Variants in CACNA1I observed in about 807,000 individuals in gnomAD.
CACNA1I encodes the protein voltage-dependent T-type calcium channel subunit alpha-1I.
In CACNA1I, 74 loss-of-function variants were observed where a neutral mutation model predicts 201.6. That is an observed-to-expected ratio of 0.37 (90% confidence interval 0.30 to 0.45). CACNA1I has a LOEUF of 0.45. CACNA1I is among the 20% of genes least tolerant of loss of function. The pLI is 1.00. For synonymous variants in CACNA1I, 1,431 were observed against 1,345.2 expected (o/e 1.06, Z -1.40); for missense variants, 2,346 against 3,138.1 (o/e 0.75, Z 6.03).
chr22:39,639,402 G>C (rs1463788504), intron 5 of CACNA1I, among the ~76,000 whole-genome samples: 1 of 152,088 alleles, frequency 6.6e-6, no homozygotes, highest in Non-Finnish European at 1.5e-5. Context: ...TCTTAGCCAG[G>C]ATGGTTATAC....
chr22:39,622,627 G>T (rs1183825272), intron 4 of CACNA1I, among the ~76,000 whole-genome samples: 2 of 151,092 alleles, frequency 1.3e-5, no homozygotes, highest in African/African-American at 4.9e-5. Context: ...GGCAGTGGGG[G>T]TGAGCTGGAC....
chr22:39,651,313 C>T lies in CACNA1I; in HGVS notation c.1992+1388C>T, dbSNP rs529791414. Reference sequence around the variant, plus strand: ...CCCTGCATGCCGCACCCCATGGGGCCGCACACGCACCTCCCTCTTCGTTAG... The same window carrying T: ...CCCTGCATGCCGCACCCCATGGGGCTGCACACGCACCTCCCTCTTCGTTAG... On this transcript the variant is annotated intron_variant, in intron 10 of 36. Coordinates refer to ENST00000402142, the MANE Select transcript of CACNA1I (RefSeq NM_021096.4). Among the ~76,000 whole-genome samples, 11 of 152,330 alleles carry T rather than the reference C, an allele frequency of 7.2e-5. No individual in the cohort carries two copies. The South Asian group carries it at 1.7e-3, about 23-fold the overall frequency.
At chr22:39,653,475 C>A (rs1169000403) in intron 10 of CACNA1I, among the ~76,000 whole-genome samples, 1 of 152,180 alleles carries the variant, frequency 6.6e-6, no homozygotes, top group Non-Finnish European at 1.5e-5. Context: ...GCAGCCCTGT[C>A]TGAGGTGGCG....
intron 3 of CACNA1I, among the ~76,000 whole-genome samples, chr22:39,604,754 T>G (rs1933161104): frequency 6.6e-6 from 1 of 151,950 alleles, no homozygotes; most frequent in African/African-American, 2.4e-5. Context: ...ATTTTTTTTT[T>G]TTTTACTTTT....
At chr22:39,609,837 T>C (rs1933334346) in intron 3 of CACNA1I, among the ~76,000 whole-genome samples, 1 of 152,218 alleles carries the variant, frequency 6.6e-6, no homozygotes, top group Non-Finnish European at 1.5e-5. Flanking sequence ...TCACCCACCC[T>C]CTGCCAAAGC....
chr22:39,586,713 C>T (rs1861596796), intron 1 of CACNA1I, among the ~76,000 whole-genome samples: 1 of 152,112 alleles, frequency 6.6e-6, no homozygotes, highest in Non-Finnish European at 1.5e-5. Flanking sequence ...CACACATGAA[C>T]ACAGACGTGT....
At chr22:39,667,540 G>A (rs1036678239) in intron 23 of CACNA1I, among the ~76,000 whole-genome samples, 1 of 152,194 alleles carries the variant, frequency 6.6e-6, no homozygotes, top group Non-Finnish European at 1.5e-5. Flanking sequence ...AGGAGGCTGT[G>A]CTCAAGTTCA....
Position 39,658,160 on chromosome 22 carries a change from G to A in CACNA1I, c.2001G>A (p.Glu667=). Residue 667 remains glutamate, a synonymous_variant, in exon 11 of 37, where the codon GAG becomes GAA. Coordinates refer to ENST00000402142, the MANE Select transcript of CACNA1I (RefSeq NM_021096.4). ...ACCCCAATGCCCCACAGCCGGAGGA[G>A]CTGACCAACATCCTGGAGATCTGCA... ...MGIEHHEQPE[E]LTNILEICNV... The A allele has an allele frequency of 1.9e-6, 3 of 1,613,940 alleles. No homozygotes were observed. Among genetic ancestry groups the A allele is most frequent in the African/African-American group, 1.3e-5 (1 of 75,058 alleles).
rs1212531695 is a variant in CACNA1I at position 39,684,293 on chromosome 22, T to C, written c.5831-9T>C. 1 of 1,612,894 alleles carries C rather than the reference T, an allele frequency of 6.2e-7. No individual in the cohort carries two copies. Among genetic ancestry groups the C allele is most frequent in the South Asian group, 1.1e-5 (1 of 90,834 alleles). The stretch of plus-strand genomic sequence containing the variant: ...GCTCCCTCAGCTCTGTCTTCTCCTT[T>C]CCCAGCAGCACCCCCAAGTCCCTTC... On this transcript the variant is annotated splice_polypyrimidine_tract_variant and intron_variant, in intron 35 of 36. Coordinates refer to ENST00000402142, the MANE Select transcript of CACNA1I (RefSeq NM_021096.4). The surrounding 1 kb of genome is among the most constrained non-coding windows in gnomAD (Gnocchi z 4.6).
chr22:39,658,055 C>A (rs1203750385), intron 10 of CACNA1I, 97 bp from the exon 11 acceptor site: 3 of 1,330,616 alleles, frequency 2.3e-6, no homozygotes, highest in African/African-American at 1.4e-5. Context: ...GGACACCGAC[C>A]TGCCAGGGTC....
At chr22:39,588,080 G>T (rs1181141016) in intron 1 of CACNA1I, among the ~76,000 whole-genome samples, 1 of 147,734 alleles carries the variant, frequency 6.8e-6, no homozygotes, top group Non-Finnish European at 1.5e-5. Context: ...GCTGATTGTG[G>T]ATTTTTAATA....
rs1458277618 is a variant in CACNA1I at position 39,686,909 on chromosome 22, G to A, written c.*504G>A. 6.6e-6 allele frequency: 1 copy of A among 151,710 alleles called. No individual in the cohort carries two copies. The highest frequency in any genetic ancestry group is 6.6e-5 in the Admixed American group (1 of 15,256). The allele number at this position is 151,710 out of a possible 1,614,324, so 9.4% of individuals were successfully genotyped here. ...ACCCTCAGGCCTCTGAGGGCACCAG[G>A]CCCTGGAGAAGAGGTGCAATTCAGG... is the stretch of plus-strand genomic sequence containing the variant. On this transcript the variant is annotated 3_prime_UTR_variant, in exon 37 of 37. Transcript: ENST00000402142.
At chr22:39,584,315 G>A (rs761137282) in intron 1 of CACNA1I, among the ~76,000 whole-genome samples, 8 of 152,164 alleles carry the variant, frequency 5.3e-5, no homozygotes, top group Non-Finnish European at 4.4e-5. Flanking sequence ...ACTGGTGATG[G>A]GGGTGCATCC....
intron 3 of CACNA1I, among the ~76,000 whole-genome samples, chr22:39,610,605 C>T (rs774946378): frequency 9.9e-5 from 15 of 152,284 alleles, no homozygotes; most frequent in East Asian, 1.9e-4. Context: ...ATCTCTGTTA[C>T]GTGGGACAGA....
intron 1 of CACNA1I, among the ~76,000 whole-genome samples, chr22:39,595,842 G>C (rs1437488765): frequency 1.3e-5 from 2 of 151,844 alleles, no homozygotes; most frequent in African/African-American, 4.8e-5. Flanking sequence ...CTAGATGTTA[G>C]GCCGTGAGTG....
chr22:39,639,595 A>C (rs1423766656), intron 5 of CACNA1I, among the ~76,000 whole-genome samples: 3 of 152,216 alleles, frequency 2.0e-5, no homozygotes, highest in Non-Finnish European at 4.4e-5. Flanking sequence ...ATTAAAAATG[A>C]GATGATTTAT....
chr22:39,662,465 G>C, intron 17 of CACNA1I, 30 bp downstream of exon 17: 3 of 1,378,926 alleles, frequency 2.2e-6, no homozygotes, highest in Non-Finnish European at 2.8e-6. Context: ...AAGGGGACCT[G>C]GTGCGGTGGG....
intron 3 of CACNA1I, among the ~76,000 whole-genome samples, chr22:39,605,998 C>A (rs1202612494): frequency 1.3e-5 from 2 of 152,160 alleles, no homozygotes; most frequent in African/African-American, 4.8e-5. Context: ...TCATAGCCGT[C>A]CTTCAGAAGT....
chr22:39,633,980 G>A (rs770671638), intron 4 of CACNA1I, among the ~76,000 whole-genome samples: 3 of 152,328 alleles, frequency 2.0e-5, no homozygotes, highest in East Asian at 1.9e-4. Context: ...GAGACAAAGG[G>A]TATTCAGGAC....
Sources: allele counts gnomAD v4.1 joint callset (sites outside exome capture counted in the v4.1 genomes callset), GRCh38; gene constraint gnomAD v4.1.1; non-coding constraint Gnocchi (gnomAD v3.1); transcripts MANE v1.5; gene names NCBI Gene and HGNC (gene_info 2026-07-23, HGNC 2026-07-21).